ZNF681: variants seen among roughly 807,000 people sequenced by gnomAD.
The protein encoded by ZNF681 is hypothetical protein FLJ31526.
ZNF681 carries 37 observed loss-of-function variants against 56.0 expected under a neutral mutation model. The ratio of observed to expected loss-of-function variants is 0.66; its 90% CI spans 0.51 to 0.87. ZNF681 has a LOEUF of 0.87. Ranked by LOEUF, ZNF681 falls within the 40% of genes least tolerant of loss-of-function variation. The pLI is 0.00. For missense variants in ZNF681, 741 were observed against 744.9 expected (o/e 0.99, Z 0.06); for synonymous variants, 225 against 248.6 (o/e 0.91, Z 0.89).
In ZNF681 at chr19:23,741,123, TC is replaced by T. The variant is rs1968869696; in HGVS notation, c.*2488del. The T allele has an allele frequency of 6.6e-6, 1 of 152,160 alleles. No individual in the cohort carries two copies. The highest frequency in any genetic ancestry group is 2.4e-5 in the African/African-American group (1 of 41,440). 9.4% of individuals were successfully genotyped at this position (152,160 alleles called of 1,614,324 possible). On this transcript the variant is annotated 3_prime_UTR_variant, in exon 4 of 4. Transcript: ENST00000402377. ...ATAATTTGATTTGTTTCAATATTGC[TC>T]TTCTGAAACTAGGTAGAAACTCATA...
intron 1 of ZNF681, among the ~76,000 whole-genome samples, chr19:23,756,631 A>C (rs10402246): frequency 0.41 from 61,628 of 151,736 alleles, 12,952 homozygotes; most frequent in South Asian, 0.58. Flanking sequence ...CATACACACC[A>C]GGGCCAGTCG....
chr19:23,750,950 C>T (rs1453249288), intron 3 of ZNF681, among the ~76,000 whole-genome samples: 1 of 150,526 alleles, frequency 6.6e-6, no homozygotes, highest in Non-Finnish European at 1.5e-5. Context: ...ATGGAGAAAC[C>T]CTATCTCTAC....
Position 23,745,057 on chromosome 19 carries a change from T to C in ZNF681, c.493A>G (p.Thr165Ala), listed in dbSNP as rs760790642. Residue 165 changes from threonine to alanine, a missense_variant, in exon 4 of 4, where the codon ACC becomes GCC. Transcript: ENST00000402377. ...SNLNGHKVRHTRKKPFKYKEF... is the reference protein window; with the variant it reads ...SNLNGHKVRHARKKPFKYKEF... ...TTATATTTAAAAGGTTTTTTTCTGG[T>C]GTGTCTTACCTTATGTCCATTTAAA... 1.9e-6 allele frequency: 3 copies of C among 1,597,044 alleles called. No individual in the cohort carries two copies. The South Asian group carries it at 3.4e-5, about 18-fold the overall frequency.
chr19:23,744,217 T>C lies in ZNF681; in HGVS notation c.1333A>G (p.Thr445Ala). Residue 445 changes from threonine (T) to alanine (A), a missense_variant, in exon 4 of 4, where the codon ACT becomes GCT. Coordinates refer to ENST00000402377, the MANE Select transcript of ZNF681 (RefSeq NM_138286.3). ...TCACATTTGTATGGTTTCTCTTCAGTATGAATATTCTTATGTTCAGTAAGG... is the reference window on the plus strand; with the variant it reads ...TCACATTTGTATGGTTTCTCTTCAGCATGAATATTCTTATGTTCAGTAAGG... Reference protein sequence around the residue: ...SNLTEHKNIHTEEKPYKCEEC... With the variant: ...SNLTEHKNIHAEEKPYKCEEC... 1 of 1,613,718 alleles carries C rather than the reference T, an allele frequency of 6.2e-7. No homozygotes were observed.
At chr19:23,754,770 C>A (rs987565271) in intron 3 of ZNF681, 53 bp downstream of exon 3, 1 of 1,444,688 alleles carries the variant, frequency 6.9e-7, no homozygotes, top group Non-Finnish European at 9.7e-7. Context: ...TTTCTTTGAC[C>A]TTTGAACCGC....
chr19:23,754,435 G>T (rs1159912542), intron 3 of ZNF681, among the ~76,000 whole-genome samples: 1 of 152,106 alleles, frequency 6.6e-6, no homozygotes, highest in African/African-American at 2.4e-5. Context: ...AGGCCAAGGC[G>T]GGCAGATCAC....
At chr19:23,745,463 T>C in intron 3 of ZNF681, 140 bp from the exon 4 acceptor site, 1 of 679,854 alleles carries the variant, frequency 1.5e-6, no homozygotes, top group Non-Finnish European at 2.1e-6. Context: ...TTTTTTTTTT[T>C]TTTTCCTGAG....
At chr19:23,756,321 T>C (rs1462867677) in intron 1 of ZNF681, among the ~76,000 whole-genome samples, 3 of 148,216 alleles carry the variant, frequency 2.0e-5, no homozygotes, top group East Asian at 2.0e-4. Context: ...CGACACTCTG[T>C]CCCCCCCCAA....
intron 3 of ZNF681, among the ~76,000 whole-genome samples, chr19:23,749,197 G>A (rs1008983011): frequency 1.5e-4 from 23 of 152,000 alleles, no homozygotes; most frequent in African/African-American, 5.3e-4. Flanking sequence ...GACAAACTTC[G>A]AGAATTATTA....
rs1479506949 is a variant in ZNF681, at chr19:23,744,250, A to G, written c.1300T>C (p.Ser434Pro). 6.2e-7 allele frequency: 1 copy of G among 1,613,388 alleles called. No homozygotes were observed. Among genetic ancestry groups the G allele is most frequent in the East Asian group, 2.2e-5 (1 of 44,830 alleles). The change falls in exon 4 of 4, where the codon TCC becomes CCC. Residue 434 changes from serine to proline, a missense_variant. Ser to Pro is a moderately conservative substitution (Grantham distance 74, BLOSUM62 -1). Coordinates refer to ENST00000402377, the MANE Select transcript of ZNF681 (RefSeq NM_138286.3). ...TTCTTATGTTCAGTAAGGTTTGAGGATTGGTTAGAAGCTTTGCCACATTTT... is the reference window on the plus strand; with the variant it reads ...TTCTTATGTTCAGTAAGGTTTGAGGGTTGGTTAGAAGCTTTGCCACATTTT... ...CEKCGKASNQSSNLTEHKNIH... is the reference protein window; with the variant it reads ...CEKCGKASNQPSNLTEHKNIH...
chr19:23,752,816 C>T (rs1312128289), intron 3 of ZNF681, among the ~76,000 whole-genome samples: 2 of 152,116 alleles, frequency 1.3e-5, no homozygotes, highest in African/African-American at 4.8e-5. Flanking sequence ...AGTTTAAAGA[C>T]ACTAATACAA....
Position 23,739,290 on chromosome 19 carries a change from G to A in ZNF681, c.*4322C>T, listed in dbSNP as rs1968850411. 6.6e-6 allele frequency: 1 copy of A among 152,124 alleles called. No homozygotes were observed. 9.4% of individuals were successfully genotyped at this position (152,124 alleles called of 1,614,324 possible). ...TTCTAGAAAAATTAATCTAACTGAA[G>A]TGGAGAATAAAATGGTGACCACCAG... is the stretch of plus-strand genomic sequence containing the variant. On this transcript the variant is annotated 3_prime_UTR_variant, in exon 4 of 4. Coordinates refer to ENST00000402377, the MANE Select transcript of ZNF681 (RefSeq NM_138286.3).
chr19:23,744,858 C>T lies in ZNF681; in HGVS notation c.692G>A (p.Cys231Tyr), dbSNP rs754917001. Residue 231 changes from cysteine (C) to tyrosine (Y), a missense_variant, in exon 4 of 4, where the codon TGT (cysteine) becomes TAT (tyrosine). Coordinates refer to ENST00000402377, the MANE Select transcript of ZNF681 (RefSeq NM_138286.3). ...TGTGAACTGGTTACAGGCTTTGCCACATTCTTCACATATGTACGATTTCTC... is the reference window on the plus strand; with the variant it reads ...TGTGAACTGGTTACAGGCTTTGCCATATTCTTCACATATGTACGATTTCTC... ...IGEKSYICEECGKACNQFTNL... is the reference protein window; with the variant it reads ...IGEKSYICEEYGKACNQFTNL... 6.2e-6 allele frequency: 10 copies of T among 1,613,362 alleles called. No homozygotes were observed. Among genetic ancestry groups the T allele is most frequent in the Non-Finnish European group, 8.5e-6 (10 of 1,179,702 alleles).
intron 3 of ZNF681, among the ~76,000 whole-genome samples, chr19:23,752,931 A>G (rs1390643596): frequency 2.0e-5 from 3 of 152,232 alleles, no homozygotes; most frequent in Non-Finnish European, 2.9e-5. Context: ...GAAATTGAAG[A>G]CAAGTAAGTA....
chr19:23,743,628 G>A lies in ZNF681; in HGVS notation c.1922C>T (p.Ala641Val). The change falls in exon 4 of 4, where the codon GCT becomes GTT. Residue 641 changes from alanine to valine, a missense_variant. By Grantham distance (64) the Ala-to-Val change is moderately conservative. Coordinates refer to ENST00000402377, the MANE Select transcript of ZNF681 (RefSeq NM_138286.3). ...SKFSKHKRNY[A>V]GEKS The stretch of plus-strand genomic sequence containing the variant: ...TTCACATTTCTAAGATTTCTCACCA[G>A]CATAATTTCTTTTATGTTTAGAAAA... 6.7e-7 allele frequency: 1 copy of A among 1,500,198 alleles called. No individual in the cohort carries two copies. The allele number at this position is 1,500,198 out of a possible 1,614,324, so 92.9% of individuals were successfully genotyped here.
intron 3 of ZNF681, among the ~76,000 whole-genome samples, chr19:23,747,687 A>ATAT (rs1400601633): frequency 1.1e-4 from 17 of 151,654 alleles, no homozygotes; most frequent in Non-Finnish European, 2.5e-4. Context: ...TTTTACAAGA[A>ATAT]TATTGTTTAA....
Position 23,743,800 on chromosome 19 carries a change from GA to G in ZNF681, c.1749del (p.His584IlefsTer81), listed in dbSNP as rs1260475576. 3 of 1,613,486 alleles carry G rather than the reference GA, an allele frequency of 1.9e-6. No homozygotes were observed. The highest frequency in any genetic ancestry group is 2.5e-6 in the Non-Finnish European group (3 of 1,179,786). On this transcript the variant is annotated frameshift_variant, in exon 4 of 4. Transcript: ENST00000402377. LOFTEE classifies it high-confidence loss of function. ...QSSHLTRHKR[I>X]HTGEKPYQCE... Reference sequence around the variant, plus strand: ...CATTGGTAGGGTTTCTCTCCAGTATGAATTCTCTTATGTCTAGTAAGGTGTG... The same window carrying G: ...CATTGGTAGGGTTTCTCTCCAGTATGATTCTCTTATGTCTAGTAAGGTGTG...
chr19:23,746,349 T>C (rs1462003826), intron 3 of ZNF681, among the ~76,000 whole-genome samples: 1 of 151,972 alleles, frequency 6.6e-6, no homozygotes, highest in African/African-American at 2.4e-5. Flanking sequence ...GGAGAAAGTT[T>C]ATTTGGTACA....
chr19:23,758,466 G>T (rs1242394489), intron 1 of ZNF681, among the ~76,000 whole-genome samples: 2 of 152,146 alleles, frequency 1.3e-5, no homozygotes, highest in Admixed American at 1.3e-4. Flanking sequence ...CGCCCCTGAC[G>T]ACCCTCCCGT....
Sources: allele counts gnomAD v4.1 joint callset (sites outside exome capture counted in the v4.1 genomes callset), GRCh38; gene constraint gnomAD v4.1.1; transcripts MANE v1.5; gene names NCBI Gene and HGNC (gene_info 2026-07-23, HGNC 2026-07-21).